The following DAB2IP variants were observed in gnomAD, a reference collection of about 807,000 sequenced individuals.
The protein encoded by DAB2IP is disabled homolog 2-interacting protein.
In DAB2IP, 28 loss-of-function variants were observed where a neutral mutation model predicts 107.2. The ratio of observed to expected loss-of-function variants is 0.26; its 90% CI spans 0.19 to 0.36. The LOEUF (loss-of-function observed/expected upper bound fraction) is 0.36. Among genes scored for constraint, DAB2IP ranks in the 10% least tolerant of loss-of-function variants. DAB2IP has a pLI of 1.00. For synonymous variants in DAB2IP, 755 were observed against 706.4 expected (o/e 1.07, Z -1.09); for missense variants, 1,400 against 1,644.7 (o/e 0.85, Z 2.57).
chr9:121,615,117 T>G (rs1831224105), intron 1 of DAB2IP, among the ~76,000 whole-genome samples: 1 of 152,192 alleles, frequency 6.6e-6, no homozygotes, highest in South Asian at 2.1e-4. Flanking sequence ...CCTTAGTGTA[T>G]CCTTGTTACG....
At chr9:121,778,275 AC>A (rs1421477237) in intron 14 of DAB2IP, among the ~76,000 whole-genome samples, 2 of 151,996 alleles carry the variant, frequency 1.3e-5, no homozygotes, top group African/African-American at 4.8e-5. Flanking sequence ...ACCTCTCAAA[AC>A]CCCTACCTAT....
At chr9:121,574,270 A>T (rs1830009665) in intron 1 of DAB2IP, among the ~76,000 whole-genome samples, 1 of 151,926 alleles carries the variant, frequency 6.6e-6, no homozygotes, top group Non-Finnish European at 1.5e-5. Flanking sequence ...CACTCAGCTC[A>T]CTCAGCAGGT....
At chr9:121,779,683 A>G (rs796172801) in intron 14 of DAB2IP, among the ~76,000 whole-genome samples, 51 of 152,032 alleles carry the variant, frequency 3.4e-4, no homozygotes, top group African/African-American at 1.0e-3. Flanking sequence ...GCGTCACTGC[A>G]CTCTCACTGG....
At chr9:121,598,368 G>C (rs897993087) in intron 1 of DAB2IP, 2 of 56,772 alleles carry the variant, frequency 3.5e-5, no homozygotes, top group East Asian at 2.1e-3. Flanking sequence ...TTCTGAGCCG[G>C]GACGGCTCAA....
chr9:121,775,943 C>T (rs1346296787), intron 13 of DAB2IP, among the ~76,000 whole-genome samples: 2 of 152,244 alleles, frequency 1.3e-5, no homozygotes, highest in Non-Finnish European at 1.5e-5. Flanking sequence ...TCTAAGTCTT[C>T]ATCCCCGCTG....
At chr9:121,740,657 G>C (rs1017871523) in intron 3 of DAB2IP, among the ~76,000 whole-genome samples, 6 of 152,192 alleles carry the variant, frequency 3.9e-5, no homozygotes, top group African/African-American at 1.4e-4. Flanking sequence ...AGAATGCATC[G>C]GCTTGAGGGT....
chr9:121,682,203 T>G (rs1033742677), intron 2 of DAB2IP, among the ~76,000 whole-genome samples: 1 of 152,156 alleles, frequency 6.6e-6, no homozygotes, highest in African/African-American at 2.4e-5. Flanking sequence ...AGCTATGTCC[T>G]CACGTGCTCA....
At chr9:121,603,831 T>C (rs1400582036) in intron 1 of DAB2IP, among the ~76,000 whole-genome samples, 1 of 152,120 alleles carries the variant, frequency 6.6e-6, no homozygotes, top group East Asian at 1.9e-4. Context: ...ATTTCCTGTC[T>C]GGGTTTCTAG....
chr9:121,693,259 G>GCC (rs981638307), intron 2 of DAB2IP, among the ~76,000 whole-genome samples: 6 of 152,192 alleles, frequency 3.9e-5, no homozygotes, highest in Admixed American at 6.5e-5. Context: ...TGGCCTGGCT[G>GCC]CCCTCTGTGG....
At chr9:121,653,906 A>G (rs528356882) in intron 1 of DAB2IP, among the ~76,000 whole-genome samples, 1 of 152,338 alleles carries the variant, frequency 6.6e-6, no homozygotes, top group South Asian at 2.1e-4. Context: ...AACAGAAGTT[A>G]TATCTGGGGA....
At chr9:121,717,547 T>C (rs1830676139) in intron 3 of DAB2IP, among the ~76,000 whole-genome samples, 1 of 152,196 alleles carries the variant, frequency 6.6e-6, no homozygotes, top group Non-Finnish European at 1.5e-5. Flanking sequence ...TTGACCTTAG[T>C]ATGTGTGCAT....
rs115821143 is a variant in DAB2IP at position 121,592,631 on chromosome 9, G to A, written c.40+25403G>A. ...ATATATTTGTTAGCTTGTACAACATGTAACATTAGCCAATTCATCGTCTAG... is the reference window on the plus strand; with the variant it reads ...ATATATTTGTTAGCTTGTACAACATATAACATTAGCCAATTCATCGTCTAG... On this transcript the variant is annotated intron_variant, in intron 1 of 16. Transcript: ENST00000259371. 3.7e-3 allele frequency among the ~76,000 whole-genome samples: 567 copies of A among 152,322 alleles called. 3 individuals are homozygous for A. The highest frequency in any genetic ancestry group is 0.013 in the African/African-American group (544 of 41,568).
rs1048185835 is a variant in DAB2IP, at chr9:121,782,794, T to G, written c.*296T>G. 13 of 1,250,750 alleles carry G rather than the reference T, an allele frequency of 1.0e-5. No individual in the cohort carries two copies. Among genetic ancestry groups the G allele is most frequent in the Non-Finnish European group, 1.2e-5 (12 of 990,162 alleles). The allele number at this position is 1,250,750 out of a possible 1,614,324, so 77.5% of individuals were successfully genotyped here. On this transcript the variant is annotated 3_prime_UTR_variant, in exon 16 of 16. Coordinates refer to ENST00000408936, the Ensembl canonical transcript of DAB2IP. This position sits in a 1 kb window ranked among gnomAD's most constrained non-coding sequence, Gnocchi z 6.1. ...GCCTGCCAAAAATATGTCTGTTGGT[T>G]CCTGAATGTGGTGTGTCCTTGTCCT...
At chr9:121,582,035 C>T (rs755547637) in intron 1 of DAB2IP, among the ~76,000 whole-genome samples, 2 of 152,174 alleles carry the variant, frequency 1.3e-5, no homozygotes, top group Non-Finnish European at 2.9e-5. Flanking sequence ...TCCTTCACCA[C>T]GGTTGGGGGC....
intron 1 of DAB2IP, among the ~76,000 whole-genome samples, chr9:121,641,913 C>CTT (rs1297402059): frequency 7.4e-6 from 1 of 135,990 alleles, no homozygotes; most frequent in Non-Finnish European, 1.6e-5. Flanking sequence ...TTCTTTCTTT[C>CTT]TTTCTTTCTT....
chr9:121,583,987 G>A (rs1446905898), intron 1 of DAB2IP, among the ~76,000 whole-genome samples: 1 of 152,138 alleles, frequency 6.6e-6, no homozygotes, highest in Non-Finnish European at 1.5e-5. Context: ...GACCAGCCTG[G>A]CCAACATGGT....
At chr9:121,617,246 C>T (rs1831309666) in intron 1 of DAB2IP, among the ~76,000 whole-genome samples, 1 of 152,172 alleles carries the variant, frequency 6.6e-6, no homozygotes, top group Non-Finnish European at 1.5e-5. Flanking sequence ...AATGCTTGAA[C>T]CCAGGAGGTG....
chr9:121,608,143 G>A (rs984568137), intron 1 of DAB2IP, among the ~76,000 whole-genome samples: 5 of 152,326 alleles, frequency 3.3e-5, no homozygotes, highest in East Asian at 1.9e-4. Flanking sequence ...CCTTGAGTTC[G>A]TGTCACACTT....
intron 1 of DAB2IP, among the ~76,000 whole-genome samples, chr9:121,584,127 G>A (rs1830264863): frequency 6.6e-6 from 1 of 152,166 alleles, no homozygotes; most frequent in African/African-American, 2.4e-5. Context: ...GCAGTGAGTT[G>A]AGATCGTGCC....
Sources: allele counts gnomAD v4.1 joint callset (sites outside exome capture counted in the v4.1 genomes callset), GRCh38; gene constraint gnomAD v4.1.1; non-coding constraint Gnocchi (gnomAD v3.1); transcripts MANE v1.5; gene names NCBI Gene and HGNC (gene_info 2026-07-23, HGNC 2026-07-21).